The following PPP1R1C variants were observed in gnomAD, a reference collection of about 807,000 sequenced individuals.
The protein encoded by PPP1R1C is protein phosphatase 1 regulatory subunit 1C.
In PPP1R1C, 15 loss-of-function variants were observed where a neutral mutation model predicts 17.4. The ratio of observed to expected loss-of-function variants is 0.86; its 90% CI spans 0.58 to 1.33. PPP1R1C has a LOEUF of 1.33. PPP1R1C is among the 40% of genes most tolerant of loss of function. The pLI is 0.00. For missense variants in PPP1R1C, 143 were observed against 130.0 expected (o/e 1.10, Z -0.48); for synonymous variants, 35 against 43.1 (o/e 0.81, Z 0.73).
chr2:182,060,162 A>G (rs914853242), intron 2 of PPP1R1C, among the ~76,000 whole-genome samples: 3 of 151,890 alleles, frequency 2.0e-5, no homozygotes, highest in Admixed American at 1.3e-4. Context: ...CCTCCCTTAT[A>G]TAAAGAAAGT....
At chr2:182,126,555 G>A (rs1371738754) in intron 5 of PPP1R1C, among the ~76,000 whole-genome samples, 3 of 152,002 alleles carry the variant, frequency 2.0e-5, no homozygotes, top group East Asian at 3.9e-4. Context: ...GACATTTTAA[G>A]TGAGTAAACA....
intron 2 of PPP1R1C, among the ~76,000 whole-genome samples, chr2:182,038,712 C>T (rs2125177589): frequency 6.6e-6 from 1 of 152,246 alleles, no homozygotes; most frequent in East Asian, 1.9e-4. Context: ...AAGCAATAGG[C>T]TGTGTGTGCC....
At chr2:182,124,381 C>T (rs1409588246) in intron 5 of PPP1R1C, among the ~76,000 whole-genome samples, 1 of 98,052 alleles carries the variant, frequency 1.0e-5, no homozygotes, top group Non-Finnish European at 2.0e-5. Flanking sequence ...TATACAGGCT[C>T]TTTTTTTGGT....
chr2:182,021,206 C>A (rs1278541196), intron 2 of PPP1R1C, among the ~76,000 whole-genome samples: 3 of 151,662 alleles, frequency 2.0e-5, no homozygotes, highest in Non-Finnish European at 4.4e-5. Context: ...AGAAAGAGTC[C>A]TTAATTGTTT....
chr2:182,037,049 G>C (rs777120982), intron 2 of PPP1R1C, among the ~76,000 whole-genome samples: 3 of 152,160 alleles, frequency 2.0e-5, no homozygotes, highest in Admixed American at 1.3e-4. Context: ...ACGGATTGAG[G>C]CTTGAAAATA....
At chr2:181,973,028 C>T (rs1298382837) in intron 1 of PPP1R1C, among the ~76,000 whole-genome samples, 1 of 152,046 alleles carries the variant, frequency 6.6e-6, no homozygotes, top group African/African-American at 2.4e-5. Flanking sequence ...ATTAAGAAAT[C>T]GTAAGAACAG....
intron 2 of PPP1R1C, among the ~76,000 whole-genome samples, chr2:182,034,392 A>G (rs1322549707): frequency 6.6e-6 from 1 of 152,160 alleles, no homozygotes; most frequent in African/African-American, 2.4e-5. Flanking sequence ...TATGGAAGAG[A>G]TAGAGTGTAT....
chr2:182,128,607 T>G (rs1488771582), intron 5 of PPP1R1C, among the ~76,000 whole-genome samples: 1 of 151,464 alleles, frequency 6.6e-6, no homozygotes, highest in East Asian at 1.9e-4. Flanking sequence ...TTGCTTGAGT[T>G]AGAAATGCAT....
chr2:182,121,132 G>A (rs891352961), downstream of PPP1R1C, among the ~76,000 whole-genome samples: 1 of 152,146 alleles, frequency 6.6e-6, no homozygotes, highest in Non-Finnish European at 1.5e-5. Flanking sequence ...CCAAAGCAAA[G>A]CAAAACAGAA....
At chr2:182,095,588 T>G (rs1336135170) in intron 4 of PPP1R1C, among the ~76,000 whole-genome samples, 1 of 152,236 alleles carries the variant, frequency 6.6e-6, no homozygotes, top group Non-Finnish European at 1.5e-5. Context: ...GGCCTCTTTA[T>G]GTGGTAGTGT....
At chr2:182,019,658 TTAAG>T (rs1304129502) in intron 2 of PPP1R1C, among the ~76,000 whole-genome samples, 1 of 152,014 alleles carries the variant, frequency 6.6e-6, no homozygotes, top group Non-Finnish European at 1.5e-5. Context: ...TTCAGGGAGG[TTAAG>T]TAATGAGCCT....
At chr2:182,002,288 TC>T (rs1379702430) in intron 2 of PPP1R1C, among the ~76,000 whole-genome samples, 2 of 152,008 alleles carry the variant, frequency 1.3e-5, no homozygotes, top group Non-Finnish European at 2.9e-5. Flanking sequence ...TACCTTTCAC[TC>T]CAGTAAAAAA....
Position 181,986,130 on chromosome 2 carries a change from A to G in PPP1R1C, c.20A>G (p.Lys7Arg), listed in dbSNP as rs750209210. MEPNSPKKIQFAVPVFQ... is the reference protein window; with the variant it reads MEPNSPRKIQFAVPVFQ... The stretch of plus-strand genomic sequence containing the variant: ...ATTACCATGGAGCCCAACAGTCCCA[A>G]AAAGATACAGTTTGCCGTGCCTGTA... Residue 7 changes from lysine to arginine, a missense_variant, in exon 1 of 5, where the codon AAA (lysine) becomes AGA (arginine). Lys to Arg is a conservative substitution (Grantham distance 26). Transcript: ENST00000682840. The G allele has an allele frequency of 1.2e-6, 2 of 1,613,784 alleles. No individual in the cohort carries two copies. Among genetic ancestry groups the G allele is most frequent in the Non-Finnish European group, 1.7e-6 (2 of 1,179,696 alleles).
chr2:182,109,804 A>G (rs1022591997), intron 4 of PPP1R1C, among the ~76,000 whole-genome samples: 1 of 152,126 alleles, frequency 6.6e-6, no homozygotes, highest in African/African-American at 2.4e-5. Flanking sequence ...GGTCCCTTCA[A>G]GTTCCCACCT....
At chr2:182,029,223 A>G (rs1202562775) in intron 2 of PPP1R1C, among the ~76,000 whole-genome samples, 1 of 149,178 alleles carries the variant, frequency 6.7e-6, no homozygotes, top group Non-Finnish European at 1.5e-5. Flanking sequence ...TTTAAAGTTA[A>G]TATTGTCATG....
At chr2:182,123,738 A>G (rs996303869) in intron 5 of PPP1R1C, among the ~76,000 whole-genome samples, 2 of 152,152 alleles carry the variant, frequency 1.3e-5, no homozygotes, top group African/African-American at 4.8e-5. Flanking sequence ...AGTTCCTTAT[A>G]GATTCTGGAT....
chr2:182,049,692 G>A (rs1687452224), intron 2 of PPP1R1C, among the ~76,000 whole-genome samples: 2 of 152,160 alleles, frequency 1.3e-5, no homozygotes, highest in South Asian at 4.2e-4. Flanking sequence ...ATAATAAATT[G>A]TGCTAGGAAA....
At position 182,030,115 on chromosome 2, in the gene PPP1R1C, TA is replaced by T. The variant is rs1395010627; in HGVS notation, c.143-31324del. The stretch of plus-strand genomic sequence containing the variant: ...TGGTTATTCTAGTTATACATTCTTC[TA>T]AATTTTTTTCAAAGTTTTCAACTTC... On this transcript the variant is annotated intron_variant, in intron 2 of 4. Coordinates refer to ENST00000682840, the MANE Select transcript of PPP1R1C (RefSeq NM_001080545.3). 9.1e-5 allele frequency among the ~76,000 whole-genome samples: 13 copies of T among 143,382 alleles called. 1 individual carries two copies. The East Asian group carries it at 2.5e-3, about 28-fold the overall frequency. 94.1% of individuals were successfully genotyped at this position (143,382 alleles called of 152,430 possible). A position where few individuals can be genotyped will look rare whatever the true frequency, so the allele number is the denominator to read the frequency against.
chr2:182,106,159 G>A (rs1689244468), intron 4 of PPP1R1C, among the ~76,000 whole-genome samples: 1 of 152,278 alleles, frequency 6.6e-6, no homozygotes, highest in Non-Finnish European at 1.5e-5. Context: ...AGTGGGGCAG[G>A]GAAGTACTGG....
Sources: allele counts gnomAD v4.1 joint callset (sites outside exome capture counted in the v4.1 genomes callset), GRCh38; gene constraint gnomAD v4.1.1; transcripts MANE v1.5; gene names NCBI Gene and HGNC (gene_info 2026-07-23, HGNC 2026-07-21).